Variants in SEMA3E observed in about 807,000 individuals in gnomAD.
SEMA3E encodes semaphorin 3E, also known as semaphorin-3E.
A neutral mutation model predicts 93.6 loss-of-function variants in SEMA3E; 49 were observed. That is an observed-to-expected ratio of 0.52 (90% confidence interval 0.42 to 0.66). The LOEUF is 0.66. Among genes scored for constraint, SEMA3E ranks in the 30% least tolerant of loss-of-function variants. The probability of loss-of-function intolerance (pLI) is 0.00; values close to 1 mark genes in which losing one functional copy is unlikely to be tolerated. For synonymous variants in SEMA3E, 363 were observed against 330.7 expected (o/e 1.10, Z -1.06); for missense variants, 906 against 964.8 (o/e 0.94, Z 0.81).
chr7:83,427,167 A>G (rs1157977706), intron 4 of SEMA3E, among the ~76,000 whole-genome samples: 1 of 146,058 alleles, frequency 6.8e-6, no homozygotes, highest in African/African-American at 2.5e-5. Flanking sequence ...CTTTTCCCAT[A>G]TGACTTTTCT....
chr7:83,364,096 T>C lies in SEMA3E; in HGVS notation c.*3490A>G. 1.3e-5 allele frequency: 2 copies of C among 150,534 alleles called. No homozygotes were observed. The allele number at this position is 150,534 out of a possible 1,614,324, so 9.3% of individuals were successfully genotyped here. A position where few individuals can be genotyped will look rare whatever the true frequency, so the allele number is the denominator to read the frequency against. ...TTTTTAGTAGAGACGGGGTTTCACC[T>C]TGTTAGCCAGGATGGTCTCGATCTC... On this transcript the variant is annotated 3_prime_UTR_variant, in exon 17 of 17. Transcript: ENST00000643230.
intron 1 of SEMA3E, among the ~76,000 whole-genome samples, chr7:83,600,331 T>TC: frequency 6.6e-6 from 1 of 151,450 alleles, no homozygotes; most frequent in South Asian, 2.1e-4. Context: ...TTTTTTTTTT[T>TC]TTCCTTGAGG....
At chr7:83,503,010 C>CTT (rs71522664) in intron 1 of SEMA3E, among the ~76,000 whole-genome samples, 19,082 of 138,724 alleles carry the variant, frequency 0.14, 1,818 homozygotes, top group African/African-American at 0.28. Context: ...TTCTTTCTCT[C>CTT]TCTTTTTTTT....
At chr7:83,401,080 A>C (rs1788226326) in intron 10 of SEMA3E, among the ~76,000 whole-genome samples, 1 of 152,150 alleles carries the variant, frequency 6.6e-6, no homozygotes, top group African/African-American at 2.4e-5. Context: ...ATCTACGTGA[A>C]TTTGTATTTT....
intron 1 of SEMA3E, among the ~76,000 whole-genome samples, chr7:83,560,334 G>T (rs1211748088): frequency 6.6e-6 from 1 of 152,018 alleles, no homozygotes; most frequent in Non-Finnish European, 1.5e-5. Context: ...GAGTATATGA[G>T]AAATCTCCAT....
At chr7:83,567,224 C>A (rs1305590600) in intron 1 of SEMA3E, among the ~76,000 whole-genome samples, 3 of 152,058 alleles carry the variant, frequency 2.0e-5, no homozygotes. Context: ...CAATCCTAAA[C>A]GTATATGTGC....
At chr7:83,535,817 A>T (rs1009928170) in intron 1 of SEMA3E, among the ~76,000 whole-genome samples, 1 of 152,172 alleles carries the variant, frequency 6.6e-6, no homozygotes, top group Non-Finnish European at 1.5e-5. Flanking sequence ...TTATAAAAAA[A>T]TGCAGTGGGA....
Position 83,523,418 on chromosome 7 carries a change from A to T in SEMA3E, c.116-33144T>A, listed in dbSNP as rs545372463. On this transcript the variant is annotated intron_variant, in intron 1 of 16. Coordinates refer to ENST00000643230, the MANE Select transcript of SEMA3E (RefSeq NM_012431.3). ...TCAGAGGCATGTTTTAAAAAATGTA[A>T]CAAATTTCATTTTTAATGGATAAAA... is the stretch of plus-strand genomic sequence containing the variant. 4.6e-5 allele frequency among the ~76,000 whole-genome samples: 7 copies of T among 152,242 alleles called. No individual in the cohort carries two copies. In the South Asian group the frequency reaches 1.4e-3, roughly 32 times the overall value.
chr7:83,440,262 G>T (rs1175761762), intron 4 of SEMA3E, among the ~76,000 whole-genome samples: 2 of 152,108 alleles, frequency 1.3e-5, no homozygotes, highest in Admixed American at 1.3e-4. Flanking sequence ...GGTACATAGT[G>T]TTATGAGAAG....
At chr7:83,541,406 C>A (rs1791528681) in intron 1 of SEMA3E, among the ~76,000 whole-genome samples, 2 of 152,058 alleles carry the variant, frequency 1.3e-5, no homozygotes, top group African/African-American at 4.8e-5. Context: ...GACACTTGAC[C>A]ATGAGAGGCC....
intron 1 of SEMA3E, among the ~76,000 whole-genome samples, chr7:83,540,928 T>C (rs984845336): frequency 6.6e-6 from 1 of 152,226 alleles, no homozygotes; most frequent in African/African-American, 2.4e-5. Context: ...TAAATATAGC[T>C]ATTTTCTGGA....
chr7:83,586,759 A>G (rs536334350), intron 1 of SEMA3E, among the ~76,000 whole-genome samples: 115 of 152,112 alleles, frequency 7.6e-4, no homozygotes, highest in Middle Eastern at 3.4e-3. Context: ...TGTACAGTCT[A>G]TCATTACCCA....
chr7:83,543,367 T>TA (rs1554336648), intron 1 of SEMA3E, among the ~76,000 whole-genome samples: 1 of 151,962 alleles, frequency 6.6e-6, no homozygotes, highest in Non-Finnish European at 1.5e-5. Context: ...ACTTTTTTTT[T>TA]ATTAAACAAG....
chr7:83,466,818 A>G (rs1185116094), intron 3 of SEMA3E, among the ~76,000 whole-genome samples: 4 of 152,186 alleles, frequency 2.6e-5, no homozygotes, highest in South Asian at 2.1e-4. Context: ...TGTAAATTAC[A>G]TTTTATAATG....
chr7:83,460,087 G>A (rs1464538525), intron 4 of SEMA3E, among the ~76,000 whole-genome samples: 3 of 152,154 alleles, frequency 2.0e-5, no homozygotes, highest in Admixed American at 6.5e-5. Flanking sequence ...CACAAAGCCT[G>A]TTTGGTGGTC....
intron 1 of SEMA3E, among the ~76,000 whole-genome samples, chr7:83,496,833 A>T (rs2037291577): frequency 6.6e-6 from 1 of 152,042 alleles, no homozygotes; most frequent in Non-Finnish European, 1.5e-5. Flanking sequence ...GGATGAAAGA[A>T]ACAGAAAATA....
rs564201480 is a variant in SEMA3E, at chr7:83,366,488, A to C, written c.*1098T>G. On this transcript the variant is annotated 3_prime_UTR_variant, in exon 17 of 17. Coordinates refer to ENST00000643230, the MANE Select transcript of SEMA3E (RefSeq NM_012431.3). ...TTGATATTTGAGAGCAAATCACTTT[A>C]ATATTTTTTTCACAAATAAAACACG... 3 of 152,000 alleles carry C rather than the reference A, an allele frequency of 2.0e-5. No individual in the cohort carries two copies. Among genetic ancestry groups the C allele is most frequent in the Non-Finnish European group, 2.9e-5 (2 of 67,916 alleles). The allele number at this position is 152,000 out of a possible 1,614,324, so 9.4% of individuals were successfully genotyped here.
intron 1 of SEMA3E, among the ~76,000 whole-genome samples, chr7:83,508,541 C>G (rs1269125457): frequency 6.6e-6 from 1 of 152,190 alleles, no homozygotes; most frequent in African/African-American, 2.4e-5. Context: ...GGATTACAGG[C>G]GTGAGCCACT....
intron 4 of SEMA3E, among the ~76,000 whole-genome samples, chr7:83,452,427 AT>A (rs1789384798): frequency 6.6e-6 from 1 of 152,102 alleles, no homozygotes; most frequent in Admixed American, 6.5e-5. Flanking sequence ...CCGCTCCCTC[AT>A]TCCCTAGAGG....
Sources: gnomAD v4.1 joint callset for allele counts (sites outside exome capture counted in the v4.1 genomes callset) on GRCh38, gnomAD v4.1.1 for gene constraint, MANE v1.5 for transcripts, NCBI Gene and HGNC (gene_info 2026-07-23, HGNC 2026-07-21) for gene names.